The following TCHP variants were observed in gnomAD, a reference collection of about 807,000 sequenced individuals.
The protein encoded by TCHP is trichoplein keratin filament-binding protein.
Under a neutral mutation model 88.7 loss-of-function variants are expected in TCHP, and 81 were observed. The ratio of observed to expected loss-of-function variants is 0.91; its 90% CI spans 0.76 to 1.10. The LOEUF (loss-of-function observed/expected upper bound fraction) is 1.10. Ranked by LOEUF, TCHP falls within the 50% of genes least tolerant of loss-of-function variation. The pLI, the probability that TCHP is intolerant of heterozygous loss-of-function variation, is 0.00. For missense variants in TCHP, 641 were observed against 632.1 expected, an observed-to-expected ratio of 1.01 and a Z score of -0.15; for synonymous variants, 232 against 232.5, an observed-to-expected ratio of 1.00 and a Z score of 0.02.
chr12:109,911,158 G>C lies in TCHP; in HGVS notation c.975G>C (p.Val325=). 1.3e-6 allele frequency: 2 copies of C among 1,596,228 alleles called. No individual in the cohort carries two copies. Among genetic ancestry groups the C allele is most frequent in the Non-Finnish European group, 1.7e-6 (2 of 1,173,606 alleles). The change falls in exon 9 of 13, where the codon GTG becomes GTC. Residue 325 remains valine, a synonymous_variant. Transcript: ENST00000405876. Reference sequence around the variant, plus strand: ...GGCGGGAGCAGGTCATGGCCGATGTGGCCTGGATGAAGCAGGCCATTGAGG... The same window carrying C: ...GGCGGGAGCAGGTCATGGCCGATGTCGCCTGGATGAAGCAGGCCATTGAGG... ...LARREQVMAD[V]AWMKQAIEEQ... is the part of the protein sequence containing the mutation.
At chr12:109,898,341 C>G (rs192361052), upstream of TCHP, among the ~76,000 whole-genome samples, 126 of 152,322 alleles carry the variant, frequency 8.3e-4, no homozygotes, top group South Asian at 2.5e-3. Context: ...TCCCGAGTAG[C>G]TGGGACTACA....
chr12:109,910,112 C>G (rs182033118), intron 8 of TCHP, among the ~76,000 whole-genome samples: 2 of 152,236 alleles, frequency 1.3e-5, no homozygotes, highest in Admixed American at 1.3e-4. Context: ...GCACTCAAGC[C>G]TGGGCAACAG....
Position 109,904,039 on chromosome 12 carries a change from G to C in TCHP, c.291G>C (p.Leu97=), listed in dbSNP as rs773864898. Residue 97 remains leucine, a synonymous_variant, in exon 3 of 13, where the codon CTG becomes CTC. Transcript: ENST00000405876. ...AGCTCATGCAGGAGGAGCAGGACCT[G>C]CTGGCCAGAGAACTGGAGGAGCTGA... The part of the protein sequence containing the change: ...LRQLMQEEQD[L]LARELEELRL... 10 of 1,607,466 alleles carry C rather than the reference G, an allele frequency of 6.2e-6. No homozygotes were observed. The highest frequency in any genetic ancestry group is 1.1e-5 in the South Asian group (1 of 89,738).
chr12:109,911,391 C>T (rs113892991), intron 9 of TCHP, among the ~76,000 whole-genome samples, 156 bp downstream of exon 9: 46 of 152,100 alleles, frequency 3.0e-4, no homozygotes, highest in African/African-American at 9.9e-4. Context: ...GCAGGTGGAT[C>T]GCTTGAGCCT....
At chr12:109,915,578 C>T (rs372056486) in intron 12 of TCHP, 32 bp downstream of exon 12, 106 of 1,585,748 alleles carry the variant, frequency 6.7e-5, no homozygotes, top group African/African-American at 2.0e-4. Flanking sequence ...AGGCCAACAC[C>T]GGCAAGACAG....
At chr12:109,908,239 G>T (rs1234743535) in intron 6 of TCHP, among the ~76,000 whole-genome samples, 1 of 152,192 alleles carries the variant, frequency 6.6e-6, no homozygotes, top group Non-Finnish European at 1.5e-5. Flanking sequence ...CTTATTCTAG[G>T]TGCTGAGCAC....
At chr12:109,898,191 A>G (rs1463638470), upstream of TCHP, among the ~76,000 whole-genome samples, 1 of 152,094 alleles carries the variant, frequency 6.6e-6, no homozygotes, top group African/African-American at 2.4e-5. Flanking sequence ...GGGCAACCCT[A>G]GAAAGCTGCA....
At chr12:109,910,995 C>T in intron 8 of TCHP, 68 bp from the exon 9 acceptor site, 1 of 1,434,744 alleles carries the variant, frequency 7.0e-7, no homozygotes, top group Non-Finnish European at 9.2e-7. Context: ...GGGCAGGCCC[C>T]TCTGTAGGCT....
chr12:109,889,663 G>A, the TCHP span, among the ~76,000 whole-genome samples: 1 of 152,216 alleles, frequency 6.6e-6, no homozygotes, highest in African/African-American at 2.4e-5. Flanking sequence ...CAGGGCTGAT[G>A]TGAGATTTCA....
At chr12:109,907,497 T>C (rs536990676) in intron 5 of TCHP, 29 bp from the exon 6 acceptor site, 68 of 1,598,586 alleles carry the variant, frequency 4.3e-5, no homozygotes, top group South Asian at 2.0e-4. Flanking sequence ...GGTACAGATA[T>C]TGACCTGTGT....
chr12:109,902,956 G>A, intron 1 of TCHP, 71 bp from the exon 2 acceptor site: 2 of 1,360,320 alleles, frequency 1.5e-6, no homozygotes, highest in Non-Finnish European at 2.0e-6. Context: ...ACTCGTTAAA[G>A]GGATGAGGCC....
the TCHP span, among the ~76,000 whole-genome samples, chr12:109,886,262 T>C: frequency 6.6e-6 from 1 of 152,046 alleles, no homozygotes; most frequent in African/African-American, 2.4e-5. Flanking sequence ...CTCAGCCTCT[T>C]GAGTAGCTGG....
At chr12:109,882,602 A>G in the TCHP span, among the ~76,000 whole-genome samples, 2 of 147,480 alleles carry the variant, frequency 1.4e-5, no homozygotes, top group Admixed American at 1.4e-4. Context: ...AGGTGGGCAG[A>G]GGCTGGAGTA....
Position 109,903,263 on chromosome 12 carries a change from G to T in TCHP, c.188+49G>T. 6.5e-7 allele frequency: 1 copy of T among 1,544,034 alleles called. No individual in the cohort carries two copies. The highest frequency in any genetic ancestry group is 8.9e-7 in the Non-Finnish European group (1 of 1,125,994). On this transcript the variant is annotated intron_variant, in intron 2 of 12. Coordinates refer to ENST00000405876, the MANE Select transcript of TCHP (RefSeq NM_001143852.2). The surrounding 1 kb of genome is among the most constrained non-coding windows in gnomAD (Gnocchi z 4.6). ...TGGATGGAAGTGGGGACCACTTGCTGGTCAGGGGATGAGGCCTTAAGGATT... is the reference window on the plus strand; with the variant it reads ...TGGATGGAAGTGGGGACCACTTGCTTGTCAGGGGATGAGGCCTTAAGGATT...
upstream of TCHP, among the ~76,000 whole-genome samples, chr12:109,897,527 C>T (rs1869591207): frequency 6.6e-6 from 1 of 151,982 alleles, no homozygotes; most frequent in African/African-American, 2.4e-5. Context: ...CTTGCCCCAA[C>T]TCACATATTT....
In TCHP at chr12:109,917,493, T is replaced by C. The variant is rs1870882783; in HGVS notation, c.*870T>C. On this transcript the variant is annotated 3_prime_UTR_variant, in exon 13 of 13. Transcript: ENST00000405876. ...GAAGGTCACCTGGTTGGCTAACCTTTTAAAGGCAGGGGCGTGACACGTAGG... is the reference window on the plus strand; with the variant it reads ...GAAGGTCACCTGGTTGGCTAACCTTCTAAAGGCAGGGGCGTGACACGTAGG... 6.6e-6 allele frequency: 1 copy of C among 152,140 alleles called. No individual in the cohort carries two copies. The highest frequency in any genetic ancestry group is 2.1e-4 in the South Asian group (1 of 4,828). The allele number at this position is 152,140 out of a possible 1,614,324, so 9.4% of individuals were successfully genotyped here.
chr12:109,884,348 C>T, the TCHP span, among the ~76,000 whole-genome samples: 1 of 151,990 alleles, frequency 6.6e-6, no homozygotes, highest in African/African-American at 2.4e-5. Flanking sequence ...GCCACCACAC[C>T]CGGCTAATTT....
intron 10 of TCHP, among the ~76,000 whole-genome samples, chr12:109,913,949 G>T (rs920297882): frequency 6.6e-5 from 10 of 152,188 alleles, no homozygotes; most frequent in African/African-American, 2.4e-4. Flanking sequence ...TTCTGCTCCT[G>T]ACTGTGGCCT....
intron 10 of TCHP, among the ~76,000 whole-genome samples, chr12:109,913,965 G>A (rs1205615290): frequency 1.3e-5 from 2 of 152,206 alleles, no homozygotes; most frequent in Admixed American, 6.5e-5. Flanking sequence ...GGCCTGGGCT[G>A]GAGTTCAGAT....
Sources: allele counts gnomAD v4.1 joint callset (sites outside exome capture counted in the v4.1 genomes callset), GRCh38; gene constraint gnomAD v4.1.1; non-coding constraint Gnocchi (gnomAD v3.1); transcripts MANE v1.5; gene names NCBI Gene and HGNC (gene_info 2026-07-23, HGNC 2026-07-21).